FYB1: variants seen among roughly 807,000 people sequenced by gnomAD.
FYB1 encodes the protein FYN binding protein 1, also known as FYN-binding protein 1.
Under a neutral mutation model 94.1 loss-of-function variants are expected in FYB1, and 41 were observed. The ratio of observed to expected loss-of-function variants is 0.44; its 90% CI spans 0.34 to 0.57. FYB1 has a LOEUF of 0.57. Ranked by LOEUF, FYB1 falls within the 20% of genes least tolerant of loss-of-function variation. The probability of loss-of-function intolerance (pLI) is 0.02; values close to 1 mark genes in which losing one functional copy is unlikely to be tolerated. For synonymous variants in FYB1, 367 were observed against 353.2 expected (o/e 1.04, Z -0.44); for missense variants, 1,050 against 976.8 (o/e 1.07, Z -1.00).
chr5:39,115,437 T>A (rs1225450672), intron 16 of FYB1, among the ~76,000 whole-genome samples: 2 of 152,130 alleles, frequency 1.3e-5, no homozygotes, highest in Non-Finnish European at 2.9e-5. Context: ...AAATAGTTTA[T>A]ATTTCTGGAG....
At chr5:39,176,904 T>C (rs1401327925) in intron 2 of FYB1, among the ~76,000 whole-genome samples, 1 of 152,186 alleles carries the variant, frequency 6.6e-6, no homozygotes, top group Non-Finnish European at 1.5e-5. Flanking sequence ...GGTTTCATCT[T>C]GATAGGCAGG....
intron 2 of FYB1, among the ~76,000 whole-genome samples, chr5:39,188,200 G>T (rs933954311): frequency 1.3e-5 from 2 of 152,150 alleles, no homozygotes; most frequent in Non-Finnish European, 2.9e-5. Flanking sequence ...CCATAGCAAA[G>T]AACTTGTTCA....
At chr5:39,199,791 G>A (rs962783634) in intron 2 of FYB1, among the ~76,000 whole-genome samples, 1 of 152,132 alleles carries the variant, frequency 6.6e-6, no homozygotes, top group African/African-American at 2.4e-5. Flanking sequence ...GTTAAAGGTA[G>A]CTTCACTGTA....
chr5:39,169,236 A>C (rs564477214), intron 2 of FYB1: 31 of 1,111,432 alleles, frequency 2.8e-5, no homozygotes, highest in Non-Finnish European at 4.2e-5. Flanking sequence ...GTCGTGGTGC[A>C]TTTCTGGTGT....
intron 1 of FYB1, among the ~76,000 whole-genome samples, chr5:39,251,141 T>A (rs1412708979): frequency 6.6e-6 from 1 of 152,180 alleles, no homozygotes; most frequent in Non-Finnish European, 1.5e-5. Flanking sequence ...TTTAAAGTTT[T>A]AAATTTTAGA....
At chr5:39,131,429 C>T (rs1426844698) in intron 9 of FYB1, among the ~76,000 whole-genome samples, 3 of 152,258 alleles carry the variant, frequency 2.0e-5, no homozygotes, top group African/African-American at 7.2e-5. Flanking sequence ...AGTTTTCTGC[C>T]AGCAACAGAT....
At chr5:39,213,472 C>T (rs1013020237) in intron 1 of FYB1, among the ~76,000 whole-genome samples, 1 of 152,174 alleles carries the variant, frequency 6.6e-6, no homozygotes, top group Non-Finnish European at 1.5e-5. Flanking sequence ...GATGTGATAA[C>T]ATTTGTCCTA....
At chr5:39,240,554 C>T (rs776632870) in intron 1 of FYB1, among the ~76,000 whole-genome samples, 1 of 151,890 alleles carries the variant, frequency 6.6e-6, no homozygotes, top group Non-Finnish European at 1.5e-5. Context: ...ATGCAGCCAA[C>T]AAAGCATATG....
At chr5:39,146,924 C>T (rs1033678664) in intron 3 of FYB1, among the ~76,000 whole-genome samples, 28 of 152,222 alleles carry the variant, frequency 1.8e-4, no homozygotes, top group African/African-American at 6.7e-4. Context: ...TAAATAGGTG[C>T]AGGTGCCATG....
upstream of FYB1, among the ~76,000 whole-genome samples, chr5:39,219,897 G>A (rs1232113784): frequency 6.6e-6 from 1 of 152,140 alleles, no homozygotes; most frequent in Admixed American, 6.5e-5. Context: ...GGGGCCAAAG[G>A]GGGATGCTTA....
chr5:39,199,198 T>C (rs1203521524), intron 2 of FYB1, among the ~76,000 whole-genome samples: 1 of 152,074 alleles, frequency 6.6e-6, no homozygotes, highest in East Asian at 1.9e-4. Flanking sequence ...AAAATTTTGC[T>C]ACAACAGAAA....
At chr5:39,213,904 A>G (rs1459016889) in intron 1 of FYB1, among the ~76,000 whole-genome samples, 1 of 152,196 alleles carries the variant, frequency 6.6e-6, no homozygotes, top group Non-Finnish European at 1.5e-5. Flanking sequence ...GCATAAACAG[A>G]TACTACGGGA....
intron 1 of FYB1, among the ~76,000 whole-genome samples, chr5:39,213,495 A>G (rs781449479): frequency 2.0e-5 from 3 of 152,186 alleles, no homozygotes; most frequent in Non-Finnish European, 2.9e-5. Context: ...TATGGTTGTG[A>G]TCCTGGCAGA....
At chr5:39,241,053 GAAC>G (rs1398312015) in intron 1 of FYB1, among the ~76,000 whole-genome samples, 2 of 152,060 alleles carry the variant, frequency 1.3e-5, no homozygotes, top group Non-Finnish European at 2.9e-5. Flanking sequence ...AATCCTAAGT[GAAC>G]TAACACAGAA....
chr5:39,250,582 T>C (rs1751674102), intron 1 of FYB1: 1 of 152,198 alleles, frequency 6.6e-6, no homozygotes. Context: ...AGTAGGACTT[T>C]TCATGTTCTT....
intron 14 of FYB1, among the ~76,000 whole-genome samples, chr5:39,119,906 T>C (rs1739930376): frequency 6.6e-6 from 1 of 152,110 alleles, no homozygotes; most frequent in Non-Finnish European, 1.5e-5. Flanking sequence ...TGAGTCATGG[T>C]TTAAACTTGG....
In FYB1 at chr5:39,139,154, A is replaced by G. The variant is rs1561161747; in HGVS notation, c.1359+79T>C. On this transcript the variant is annotated intron_variant, in intron 5 of 18. Coordinates refer to ENST00000512982, the MANE Select transcript of FYB1 (RefSeq NM_001465.6). ...AAGGATTTTCATTTGTTTGTTTTGT[A>G]CCAATACGGAGTGAATCATAATACT... 1.5e-5 allele frequency: 19 copies of G among 1,290,942 alleles called. 1 individual carries two copies. The South Asian group carries it at 2.8e-4, about 19-fold the overall frequency. 80.0% of individuals were successfully genotyped at this position (1,290,942 alleles called of 1,614,324 possible).
At chr5:39,128,507 A>G (rs1740889205) in intron 10 of FYB1, among the ~76,000 whole-genome samples, 1 of 152,154 alleles carries the variant, frequency 6.6e-6, no homozygotes. Context: ...ATTGAACTAC[A>G]GTCAAGGTGA....
chr5:39,138,830 T>C (rs768624419), intron 5 of FYB1, 139 bp from the exon 6 acceptor site: 4 of 682,932 alleles, frequency 5.9e-6, no homozygotes, highest in East Asian at 2.8e-5. Flanking sequence ...TCCAGAGGAA[T>C]AACTACTTAA....
Sources: gnomAD v4.1 joint callset for allele counts (sites outside exome capture counted in the v4.1 genomes callset) on GRCh38, gnomAD v4.1.1 for gene constraint, MANE v1.5 for transcripts, NCBI Gene and HGNC (gene_info 2026-07-23, HGNC 2026-07-21) for gene names.